The following ATP6V1C2 variants were observed in gnomAD, a reference collection of about 807,000 sequenced individuals.
ATP6V1C2 encodes the protein V-type proton ATPase subunit C 2.
ATP6V1C2 carries 45 observed loss-of-function variants against 56.8 expected under a neutral mutation model. The observed-to-expected ratio is 0.79, with a 90% CI of 0.62 to 1.02. ATP6V1C2 has a LOEUF of 1.02. ATP6V1C2 is among the 50% of genes least tolerant of loss of function. The pLI is 0.00. For synonymous variants in ATP6V1C2, 220 were observed against 201.3 expected (o/e 1.09, Z -0.79); for missense variants, 463 against 519.7 (o/e 0.89, Z 1.06).
chr2:10,733,525 C>T (rs1232516952), intron 3 of ATP6V1C2, among the ~76,000 whole-genome samples: 1 of 152,036 alleles, frequency 6.6e-6, no homozygotes, highest in African/African-American at 2.4e-5. Flanking sequence ...CTTTTGCTTA[C>T]GAGAGCTTTC....
chr2:10,757,043 C>T (rs1663600499), intron 4 of ATP6V1C2, among the ~76,000 whole-genome samples: 2 of 116,430 alleles, frequency 1.7e-5, no homozygotes, highest in African/African-American at 3.3e-5. Flanking sequence ...GAGACAGTCT[C>T]ACTCTGTTAC....
chr2:10,772,266 G>C (rs1223134198), intron 7 of ATP6V1C2, among the ~76,000 whole-genome samples: 1 of 152,208 alleles, frequency 6.6e-6, no homozygotes, highest in Non-Finnish European at 1.5e-5. Flanking sequence ...CGGTTAGCTT[G>C]TCCAAGGTCA....
chr2:10,722,905 T>A lies in ATP6V1C2; in HGVS notation c.56T>A (p.Leu19Gln), dbSNP rs1193096776. 2.5e-6 allele frequency: 4 copies of A among 1,614,148 alleles called. No homozygotes were observed. The highest frequency in any genetic ancestry group is 3.4e-6 in the Non-Finnish European group (4 of 1,180,032). The change falls in exon 2 of 14, where the codon CTG becomes CAG. Residue 19 changes from leucine to glutamine, a missense_variant. Leu to Gln is a moderately radical substitution (Grantham distance 113, BLOSUM62 -2). Transcript: ENST00000272238. ...APGDKENLQA[L>Q]ERMNTVTSKS... is the part of the protein sequence containing the mutation. ...GGCGATAAGGAAAATTTGCAAGCTC[T>A]GGAGAGGATGAATACTGTAACCTCC...
chr2:10,767,722 T>A (rs998425243), intron 5 of ATP6V1C2, among the ~76,000 whole-genome samples: 5 of 152,208 alleles, frequency 3.3e-5, no homozygotes, highest in African/African-American at 1.2e-4. Flanking sequence ...CCTCCCAAAG[T>A]GCTGGGATTA....
At chr2:10,729,084 C>T (rs1462235061) in intron 3 of ATP6V1C2, among the ~76,000 whole-genome samples, 3 of 150,950 alleles carry the variant, frequency 2.0e-5, no homozygotes, top group South Asian at 2.1e-4. Context: ...GAGCCAAGAT[C>T]GTGCCACTGC....
chr2:10,741,158 GC>G (rs1662531194), intron 3 of ATP6V1C2, among the ~76,000 whole-genome samples: 1 of 152,190 alleles, frequency 6.6e-6, no homozygotes. Context: ...CTAAAGATCA[GC>G]TCGTTATTTA....
At chr2:10,723,013 A>T (rs758640245) in intron 2 of ATP6V1C2, 35 bp downstream of exon 2, 1 of 1,612,548 alleles carries the variant, frequency 6.2e-7, no homozygotes, top group African/African-American at 1.3e-5. Flanking sequence ...AAAGGGATGG[A>T]TTGGTCAGGG....
chr2:10,777,953 C>T (rs1665106669), intron 11 of ATP6V1C2, among the ~76,000 whole-genome samples: 1 of 146,524 alleles, frequency 6.8e-6, no homozygotes, highest in African/African-American at 2.4e-5. Context: ...CCCCGGGCGC[C>T]TGGCTGGAGG....
At chr2:10,769,730 GGAGA>G (rs1174666132) in intron 6 of ATP6V1C2, among the ~76,000 whole-genome samples, 2 of 151,680 alleles carry the variant, frequency 1.3e-5, no homozygotes, top group Non-Finnish European at 2.9e-5. Context: ...AAAAAAACAG[GGAGA>G]GAGAGAAGCC....
chr2:10,750,749 A>G (rs942785304), intron 3 of ATP6V1C2, among the ~76,000 whole-genome samples: 10 of 152,072 alleles, frequency 6.6e-5, no homozygotes, highest in South Asian at 2.1e-4. Flanking sequence ...AACTACTCAA[A>G]ATATTATAGG....
chr2:10,783,357 C>T lies in ATP6V1C2; in HGVS notation c.*94C>T. The stretch of plus-strand genomic sequence containing the variant: ...AGAATGGTTCAAATGTCTTACAGAA[C>T]TAAGATCTTTTTCAGAGAAATTGCT... On this transcript the variant is annotated 3_prime_UTR_variant, in exon 14 of 14. Transcript: ENST00000272238. 1.3e-6 allele frequency: 1 copy of T among 750,860 alleles called. No individual in the cohort carries two copies. The highest frequency in any genetic ancestry group is 2.1e-6 in the Non-Finnish European group (1 of 467,488). 46.5% of individuals were successfully genotyped at this position (750,860 alleles called of 1,614,324 possible). A position where few individuals can be genotyped will look rare whatever the true frequency, so the allele number is the denominator to read the frequency against.
intron 2 of ATP6V1C2, among the ~76,000 whole-genome samples, chr2:10,723,879 T>C (rs937865062): frequency 6.6e-6 from 1 of 151,406 alleles, no homozygotes; most frequent in African/African-American, 2.4e-5. Context: ...TGCAATTTTT[T>C]TCCCCCCGAG....
intron 13 of ATP6V1C2, among the ~76,000 whole-genome samples, chr2:10,782,698 G>A (rs1665445189): frequency 6.6e-6 from 1 of 151,980 alleles, no homozygotes; most frequent in South Asian, 2.1e-4. Context: ...GGGTATGGTG[G>A]TGTGTGCCTG....
intron 3 of ATP6V1C2, among the ~76,000 whole-genome samples, chr2:10,735,257 C>G (rs969210905): frequency 6.6e-6 from 1 of 152,264 alleles, no homozygotes; most frequent in South Asian, 2.1e-4. Flanking sequence ...GCTACCTCCC[C>G]CTCCTGGGTT....
intron 7 of ATP6V1C2, 150 bp downstream of exon 7, chr2:10,772,087 G>A (rs912818310): frequency 4.6e-5 from 32 of 702,544 alleles, no homozygotes; most frequent in South Asian, 2.0e-4. Context: ...CCCTGCCTGC[G>A]GCTGTCAGTA....
At position 10,763,158 on chromosome 2, in the gene ATP6V1C2, TC is replaced by T. The variant is rs1664021327; in HGVS notation, c.284-1171del. 6.6e-6 allele frequency among the ~76,000 whole-genome samples: 1 copy of T among 152,110 alleles called. No homozygotes were observed. Among genetic ancestry groups the T allele is most frequent in the African/African-American group, 2.4e-5 (1 of 41,404 alleles). ...CGATCCTACCCCTTTCTGTTCAGCA[TC>T]CGTCCACACTCCCTCTTCCCTGACT... On this transcript the variant is annotated intron_variant, in intron 4 of 13. Transcript: ENST00000272238. The surrounding 1 kb of genome is among the most constrained non-coding windows in gnomAD (Gnocchi z 4.2).
intron 4 of ATP6V1C2, among the ~76,000 whole-genome samples, chr2:10,754,547 CTT>C (rs1663411607): frequency 3.0e-3 from 1 of 332 alleles, no homozygotes; most frequent in South Asian, 0.12. Context: ...TGATAATTTT[CTT>C]TTCTTTTCTT....
At chr2:10,730,335 C>T (rs1035852915) in intron 3 of ATP6V1C2, among the ~76,000 whole-genome samples, 1 of 152,030 alleles carries the variant, frequency 6.6e-6, no homozygotes, top group African/African-American at 2.4e-5. Context: ...AGGCTGGTCT[C>T]GAACTCCTAA....
chr2:10,770,811 C>T (rs941129023), intron 6 of ATP6V1C2, among the ~76,000 whole-genome samples: 6 of 152,256 alleles, frequency 3.9e-5, no homozygotes, highest in Admixed American at 2.6e-4. Context: ...CTTCTTTGTA[C>T]ACAAACCAAG....
Sources: gnomAD v4.1 joint callset for allele counts (sites outside exome capture counted in the v4.1 genomes callset) on GRCh38, gnomAD v4.1.1 for gene constraint, Gnocchi (gnomAD v3.1) non-coding constraint, MANE v1.5 for transcripts, NCBI Gene and HGNC (gene_info 2026-07-23, HGNC 2026-07-21) for gene names.